LRRC4C: variants seen among roughly 807,000 people sequenced by gnomAD.
LRRC4C encodes leucine rich repeat containing 4C.
A neutral mutation model predicts 33.6 loss-of-function variants in LRRC4C; 5 were observed. The ratio of observed to expected loss-of-function variants is 0.15; its 90% CI spans 0.08 to 0.31. The LOEUF (loss-of-function observed/expected upper bound fraction) is 0.31, where lower values mean the gene tolerates loss of function less well. Among genes scored for constraint, LRRC4C ranks in the 10% least tolerant of loss-of-function variants. LRRC4C has a pLI of 1.00. For missense variants in LRRC4C, 560 were observed against 796.7 expected (o/e 0.70, Z 3.58); for synonymous variants, 329 against 302.0 (o/e 1.09, Z -0.93).
intron 2 of LRRC4C, among the ~76,000 whole-genome samples, chr11:40,694,575 T>C (rs1163464076): frequency 6.6e-6 from 1 of 152,272 alleles, no homozygotes; most frequent in African/African-American, 2.4e-5. Flanking sequence ...CAGAGAGTTG[T>C]GGTGGTGCTG....
chr11:40,623,930 A>C (rs1962695363), intron 3 of LRRC4C, among the ~76,000 whole-genome samples: 1 of 152,152 alleles, frequency 6.6e-6, no homozygotes. Flanking sequence ...TCAAAATAGT[A>C]AATAATTTCA....
intron 2 of LRRC4C, among the ~76,000 whole-genome samples, chr11:40,902,800 G>C (rs986174540): frequency 3.3e-5 from 5 of 152,122 alleles, no homozygotes; most frequent in Non-Finnish European, 7.4e-5. Context: ...TTCTATGAAG[G>C]CTGAGAGAGG....
chr11:40,936,613 G>C (rs1242847289), intron 1 of LRRC4C, among the ~76,000 whole-genome samples: 5 of 151,984 alleles, frequency 3.3e-5, no homozygotes, highest in Admixed American at 3.3e-4. Context: ...TGGGATTACA[G>C]GTGTGAGCCA....
chr11:41,408,673 G>A lies in LRRC4C; in HGVS notation c.-496+50758C>T, dbSNP rs928322350. Among the ~76,000 whole-genome samples the A allele has an allele frequency of 1.6e-4, 24 of 150,666 alleles. 1 individual carries two copies. The highest frequency in any genetic ancestry group is 1.5e-3 in the Admixed American group (23 of 15,126). On this transcript the variant is annotated intron_variant, in intron 1 of 6. Transcript: ENST00000528697. ...ATGATTGTATTAATTCTATGTTTAT[G>A]GGTCAAAAATTTTACTCGCTGCTTT... is the stretch of plus-strand genomic sequence containing the variant.
chr11:41,221,155 G>A (rs534713188), intron 1 of LRRC4C, among the ~76,000 whole-genome samples: 5 of 151,878 alleles, frequency 3.3e-5, no homozygotes, highest in African/African-American at 9.7e-5. Flanking sequence ...TCCACCTTCC[G>A]AAAGGACCCA....
At chr11:41,017,800 T>C (rs1489762882) in intron 1 of LRRC4C, among the ~76,000 whole-genome samples, 1 of 150,156 alleles carries the variant, frequency 6.7e-6, no homozygotes, top group Non-Finnish European at 1.5e-5. Flanking sequence ...TTTGGGTATA[T>C]ATAATATATA....
chr11:41,457,556 T>C (rs1223424078), intron 1 of LRRC4C, among the ~76,000 whole-genome samples: 2 of 152,108 alleles, frequency 1.3e-5, no homozygotes, highest in African/African-American at 2.4e-5. Flanking sequence ...CCTCAGATTG[T>C]TTTTTCCATA....
intron 5 of LRRC4C, among the ~76,000 whole-genome samples, chr11:40,178,863 C>A (rs1398092353): frequency 1.3e-5 from 2 of 152,172 alleles, no homozygotes; most frequent in African/African-American, 4.8e-5. Context: ...GTAGCCTTTC[C>A]CTTCCTCTGT....
intron 1 of LRRC4C, among the ~76,000 whole-genome samples, chr11:41,029,558 G>GTAACACAGAGAATGTTGGTTCATT (rs1363264524): frequency 5.3e-5 from 8 of 151,760 alleles, no homozygotes; most frequent in African/African-American, 1.9e-4. Context: ...TGATTTAAGA[G>GTAACACAGAGAATGTTGGTTCATT]TAACACAGAG....
At chr11:41,437,280 T>G (rs1214773920) in intron 1 of LRRC4C, among the ~76,000 whole-genome samples, 1 of 152,210 alleles carries the variant, frequency 6.6e-6, no homozygotes, top group Non-Finnish European at 1.5e-5. Flanking sequence ...CGTAGTTAGT[T>G]GTACAGTCTA....
chr11:40,882,930 A>G (rs1398963796), intron 2 of LRRC4C, among the ~76,000 whole-genome samples: 2 of 152,116 alleles, frequency 1.3e-5, no homozygotes, highest in African/African-American at 4.8e-5. Flanking sequence ...TTTTATAGAA[A>G]TCAACTAAAA....
At chr11:40,798,599 C>T (rs1158785447) in intron 2 of LRRC4C, among the ~76,000 whole-genome samples, 1 of 151,060 alleles carries the variant, frequency 6.6e-6, no homozygotes, top group Non-Finnish European at 1.5e-5. Flanking sequence ...TTCTCTATTT[C>T]TAGAGGTTAT....
At chr11:40,714,514 T>C (rs938010174) in intron 2 of LRRC4C, among the ~76,000 whole-genome samples, 2 of 152,338 alleles carry the variant, frequency 1.3e-5, no homozygotes, top group Admixed American at 6.5e-5. Flanking sequence ...AGTTGTTAGT[T>C]ACAAAGAAAA....
rs147568458 is a variant in LRRC4C at position 40,495,930 on chromosome 11, A to T, written c.-270+152212T>A. Among the ~76,000 whole-genome samples, 158 of 143,648 alleles carry T rather than the reference A, an allele frequency of 1.1e-3. 1 individual carries two copies. The highest frequency in any genetic ancestry group is 4.1e-3 in the Middle Eastern group (1 of 244). 94.2% of individuals were successfully genotyped at this position (143,648 alleles called of 152,430 possible). On this transcript the variant is annotated intron_variant, in intron 3 of 6. Coordinates refer to ENST00000528697, the MANE Select transcript of LRRC4C (RefSeq NM_001258419.2). ...CTACAACCTCCGCCCCCGGGGTTCAAGCAATTCTCCTGTCTCAGCCTCCCA... is the reference window on the plus strand; with the variant it reads ...CTACAACCTCCGCCCCCGGGGTTCATGCAATTCTCCTGTCTCAGCCTCCCA...
intron 1 of LRRC4C, among the ~76,000 whole-genome samples, chr11:41,115,210 G>A (rs1942052178): frequency 6.6e-6 from 1 of 151,998 alleles, no homozygotes; most frequent in Non-Finnish European, 1.5e-5. Flanking sequence ...CAGAGCTAAA[G>A]GAAAAGCAGG....
chr11:41,357,415 T>C (rs1367134029), intron 1 of LRRC4C, among the ~76,000 whole-genome samples: 1 of 152,158 alleles, frequency 6.6e-6, no homozygotes, highest in Non-Finnish European at 1.5e-5. Context: ...TTAGAAGTAG[T>C]ATAAGATATT....
At chr11:40,672,368 G>A (rs2136281075) in intron 2 of LRRC4C, among the ~76,000 whole-genome samples, 1 of 152,184 alleles carries the variant, frequency 6.6e-6, no homozygotes, top group East Asian at 1.9e-4. Context: ...ATCATCTTGG[G>A]AGTTAGAATT....
At chr11:40,649,314 C>A (rs1942647918) in intron 2 of LRRC4C, among the ~76,000 whole-genome samples, 1 of 152,096 alleles carries the variant, frequency 6.6e-6, no homozygotes, top group Non-Finnish European at 1.5e-5. Context: ...AGACCTCCCC[C>A]CAAGAATGCA....
intron 1 of LRRC4C, among the ~76,000 whole-genome samples, chr11:41,180,788 C>A (rs1945411593): frequency 1.3e-5 from 2 of 151,952 alleles, no homozygotes; most frequent in South Asian, 4.2e-4. Context: ...GTCCTGTTAG[C>A]TAATTGGTAT....
Sources: gnomAD v4.1 joint callset for allele counts (sites outside exome capture counted in the v4.1 genomes callset) on GRCh38, gnomAD v4.1.1 for gene constraint, MANE v1.5 for transcripts, NCBI Gene and HGNC (gene_info 2026-07-23, HGNC 2026-07-21) for gene names.